The following DYSF variants were observed in gnomAD, a reference collection of about 807,000 sequenced individuals.
DYSF encodes the protein dystrophy-associated fer-1-like 1.
DYSF carries 212 observed loss-of-function variants against 274.9 expected under a neutral mutation model. The ratio of observed to expected loss-of-function variants is 0.77; its 90% CI spans 0.69 to 0.86. The LOEUF is 0.86. DYSF is among the 40% of genes least tolerant of loss of function. The pLI is 0.00. For synonymous variants in DYSF, 1,091 were observed against 1,078.7 expected, an observed-to-expected ratio of 1.01 and a Z score of -0.22; for missense variants, 2,666 against 2,783.2, an observed-to-expected ratio of 0.96 and a Z score of 0.95.
chr2:71,598,018 C>T (rs2093447869), intron 32 of DYSF, among the ~76,000 whole-genome samples: 1 of 152,236 alleles, frequency 6.6e-6, no homozygotes, highest in African/African-American at 2.4e-5. Flanking sequence ...CTCTGCTCTG[C>T]TTCCCCTTCC....
At chr2:71,466,222 CG>C (rs1222841655), upstream of DYSF, among the ~76,000 whole-genome samples, 1 of 152,164 alleles carries the variant, frequency 6.6e-6, no homozygotes, top group African/African-American at 2.4e-5. Flanking sequence ...GCGGGGGGCT[CG>C]GGGTGCACGG....
At position 71,520,160 on chromosome 2, in the gene DYSF, T is replaced by C. The variant is rs1317646220; in HGVS notation, c.1003-18T>C. The C allele has an allele frequency of 6.2e-7, 1 of 1,614,218 alleles. No individual in the cohort carries two copies. Among genetic ancestry groups the C allele is most frequent in the Admixed American group, 1.7e-5 (1 of 60,028 alleles). On this transcript the variant is annotated intron_variant, in intron 10 of 55. Transcript: ENST00000410020. ...TGGCGGCAAGAGTTTGATTTGTGTCTCCTCTCATTGATTGCAGATGGACGT... is the reference window on the plus strand; with the variant it reads ...TGGCGGCAAGAGTTTGATTTGTGTCCCCTCTCATTGATTGCAGATGGACGT...
rs563516350 is a variant in DYSF, at chr2:71,678,332, TACTC to T, written c.5885-723_5885-720del. Among the ~76,000 whole-genome samples the T allele has an allele frequency of 3.7e-4, 57 of 152,274 alleles. No individual in the cohort carries two copies. In the Middle Eastern group the frequency reaches 0.014, roughly 36 times the overall value. On this transcript the variant is annotated intron_variant, in intron 52 of 55. Transcript: ENST00000410020. ...CCCGTATATGCCTAGAATGGAATCT[TACTC>T]AACCATAAAAAAAATACAGATTAAA...
chr2:71,505,818 G>A (rs1472546137), intron 4 of DYSF, among the ~76,000 whole-genome samples: 2 of 152,222 alleles, frequency 1.3e-5, no homozygotes, highest in African/African-American at 2.4e-5. Context: ...GGCATCACCC[G>A]GGCCTTAAAG....
At chr2:71,453,857 TA>T in exon 1 of DYSF, 1 of 861,204 alleles carries the variant, frequency 1.2e-6, no homozygotes, top group Non-Finnish European at 1.9e-6. Context: ...GCAACTGCTC[TA>T]AGCCAGGAGC....
At chr2:71,509,859 T>A (rs1046263486) in intron 4 of DYSF, among the ~76,000 whole-genome samples, 1 of 152,132 alleles carries the variant, frequency 6.6e-6, no homozygotes, top group African/African-American at 2.4e-5. Flanking sequence ...CATTGCGACC[T>A]CTGCCGCCAA....
rs2094953516 is a variant in DYSF, at chr2:71,664,129, G to A, written c.5004-139G>A. 8 of 1,006,032 alleles carry A rather than the reference G, an allele frequency of 8.0e-6. No individual in the cohort carries two copies. The Admixed American group carries it at 1.3e-4, about 17-fold the overall frequency. 62.3% of individuals were successfully genotyped at this position (1,006,032 alleles called of 1,614,324 possible). On this transcript the variant is annotated intron_variant, in intron 45 of 55. Coordinates refer to ENST00000410020, the MANE Select transcript of DYSF (RefSeq NM_001130987.2). ...CACTCAGGCCCAGTACAGCAGTGCT[G>A]TGGGTGGTTGGGCCTGTAAGATCTG...
chr2:71,559,352 C>T (rs966237628), intron 22 of DYSF, among the ~76,000 whole-genome samples: 4 of 152,198 alleles, frequency 2.6e-5, no homozygotes, highest in Non-Finnish European at 5.9e-5. Flanking sequence ...CTTTTCTCTG[C>T]CCCAGCCCTG....
rs528869999 is a variant in DYSF at position 71,599,599 on chromosome 2, G to A, written c.3756+854G>A. ...GAGGAGAAGGGAGTATGAGGCCAGGGGAGCAGGAGAGTGCTGACGTCAGGG... is the reference window on the plus strand; with the variant it reads ...GAGGAGAAGGGAGTATGAGGCCAGGAGAGCAGGAGAGTGCTGACGTCAGGG... On this transcript the variant is annotated intron_variant, in intron 33 of 55. Coordinates refer to ENST00000410020, the MANE Select transcript of DYSF (RefSeq NM_001130987.2). 2.0e-5 allele frequency among the ~76,000 whole-genome samples: 3 copies of A among 152,310 alleles called. No individual in the cohort carries two copies. The South Asian group carries it at 6.2e-4, about 32-fold the overall frequency.
intron 42 of DYSF, among the ~76,000 whole-genome samples, chr2:71,650,076 A>G (rs2094629371): frequency 6.6e-6 from 1 of 152,246 alleles, no homozygotes; most frequent in Admixed American, 6.5e-5. Flanking sequence ...TACAACATCA[A>G]TACTTACAAA....
intron 18 of DYSF, 67 bp from the exon 19 acceptor site, chr2:71,551,540 G>C (rs1283183236): frequency 2.9e-6 from 4 of 1,375,240 alleles, no homozygotes; most frequent in Non-Finnish European, 4.1e-6. Context: ...AGGGCCAGAG[G>C]GTGCCCCTTT....
chr2:71,657,066 A>G (rs1216703383), intron 43 of DYSF, among the ~76,000 whole-genome samples: 3 of 152,184 alleles, frequency 2.0e-5, no homozygotes, highest in Non-Finnish European at 2.9e-5. Context: ...CCTTCCACCT[A>G]TGAGCCTGTA....
chr2:71,534,159 T>A (rs1441301187), intron 14 of DYSF, among the ~76,000 whole-genome samples: 1 of 152,212 alleles, frequency 6.6e-6, no homozygotes, highest in Admixed American at 6.5e-5. Context: ...AGTCTCTGAT[T>A]TAAGTCAGAT....
At chr2:71,481,722 C>T (rs72842826) in intron 2 of DYSF, among the ~76,000 whole-genome samples, 157 bp from the exon 3 acceptor site, 3 of 151,708 alleles carry the variant, frequency 2.0e-5, no homozygotes, top group African/African-American at 7.3e-5. Context: ...ATCCATCCAT[C>T]CATCCATGCT....
chr2:71,507,444 A>G (rs747630575), intron 4 of DYSF, among the ~76,000 whole-genome samples: 7 of 152,106 alleles, frequency 4.6e-5, no homozygotes, highest in Admixed American at 1.3e-4. Flanking sequence ...TCTTTCTAAC[A>G]TACTCTCTTC....
intron 22 of DYSF, among the ~76,000 whole-genome samples, chr2:71,557,323 G>C (rs1321013837): frequency 6.6e-6 from 1 of 152,270 alleles, no homozygotes; most frequent in Non-Finnish European, 1.5e-5. Flanking sequence ...TGAGGGAGGA[G>C]CAGGAGTTAG....
chr2:71,578,136 T>C, intron 30 of DYSF, among the ~76,000 whole-genome samples: 1 of 152,156 alleles, frequency 6.6e-6, no homozygotes, highest in East Asian at 1.9e-4. Context: ...ATTGTTAAAA[T>C]GCAGACTCTG....
At chr2:71,492,108 GC>G (rs976358089) in intron 3 of DYSF, among the ~76,000 whole-genome samples, 7 of 152,184 alleles carry the variant, frequency 4.6e-5, no homozygotes, top group Admixed American at 3.9e-4. Flanking sequence ...ACTATATTTT[GC>G]CCTGGATTCT....
intron 30 of DYSF, among the ~76,000 whole-genome samples, chr2:71,587,950 A>T (rs1400072768): frequency 6.6e-6 from 1 of 152,136 alleles, no homozygotes; most frequent in Non-Finnish European, 1.5e-5. Context: ...GCAGCAAGGG[A>T]GCAGAGGAAG....
Sources: allele counts gnomAD v4.1 joint callset (sites outside exome capture counted in the v4.1 genomes callset), GRCh38; gene constraint gnomAD v4.1.1; transcripts MANE v1.5; gene names NCBI Gene and HGNC (gene_info 2026-07-23, HGNC 2026-07-21).